Variants in ALPL observed in about 807,000 individuals in gnomAD.
ALPL encodes alkaline phosphatase, tissue-nonspecific isozyme.
Under a neutral mutation model 51.3 loss-of-function variants are expected in ALPL, and 42 were observed. The ratio of observed to expected loss-of-function variants is 0.82; its 90% confidence interval spans 0.64 to 1.06. The LOEUF (loss-of-function observed/expected upper bound fraction) is 1.06. Ranked by LOEUF, ALPL falls within the 50% of genes least tolerant of loss-of-function variation. The pLI is 0.00. For synonymous variants in ALPL, 279 were observed against 296.4 expected (o/e 0.94, Z 0.60); for missense variants, 589 against 709.4 (o/e 0.83, Z 1.93).
intron 8 of ALPL, among the ~76,000 whole-genome samples, chr1:21,571,860 C>A (rs962494293): frequency 6.6e-6 from 1 of 151,516 alleles, no homozygotes; most frequent in Non-Finnish European, 1.5e-5. Context: ...GGTGTGGTGG[C>A]GCACACCTTT....
At chr1:21,563,992 GACA>G (rs756920819) in intron 5 of ALPL, 46 bp from the exon 6 acceptor site, 2 of 1,606,856 alleles carry the variant, frequency 1.2e-6, no homozygotes, top group Non-Finnish European at 1.7e-6. Context: ...AGGCCTCTGG[GACA>G]CCCCGATCTG....
At chr1:21,512,907 C>T (rs563322980) in intron 1 of ALPL, among the ~76,000 whole-genome samples, 9 of 151,912 alleles carry the variant, frequency 5.9e-5, no homozygotes, top group South Asian at 4.2e-4. Flanking sequence ...GAGATGAGGA[C>T]GAAGTTAAAC....
intron 1 of ALPL, among the ~76,000 whole-genome samples, chr1:21,534,369 T>TA (rs1644070062): frequency 6.6e-6 from 1 of 152,236 alleles, no homozygotes; most frequent in Admixed American, 6.5e-5. Flanking sequence ...AGCCAGAAGT[T>TA]AATTGAGGAG....
At chr1:21,529,108 T>C (rs1026518777) in intron 1 of ALPL, among the ~76,000 whole-genome samples, 1 of 152,022 alleles carries the variant, frequency 6.6e-6, no homozygotes, top group South Asian at 2.1e-4. Flanking sequence ...GTCAGTATTC[T>C]TTGCCTACCC....
intron 1 of ALPL, among the ~76,000 whole-genome samples, chr1:21,545,314 A>G (rs1215302517): frequency 6.6e-6 from 1 of 150,734 alleles, no homozygotes; most frequent in Admixed American, 6.6e-5. Context: ...TTTTTAAGAC[A>G]GAGTCTCACT....
At chr1:21,560,583 G>A in intron 2 of ALPL, 43 bp from the exon 3 acceptor site, 1 of 1,611,898 alleles carries the variant, frequency 6.2e-7, no homozygotes, top group African/African-American at 1.3e-5. Flanking sequence ...GAGATAGGAG[G>A]CTATCCTTAC....
rs1424809484 is a variant in ALPL at position 21,573,660 on chromosome 1, C to T, written c.863-5C>T. 6.2e-7 allele frequency: 1 copy of T among 1,613,670 alleles called. No individual in the cohort carries two copies. Among genetic ancestry groups the T allele is most frequent in the Admixed American group, 1.7e-5 (1 of 59,948 alleles). On this transcript the variant is annotated splice_region_variant and splice_polypyrimidine_tract_variant and intron_variant, in intron 8 of 11. Coordinates refer to ENST00000374840, the MANE Select transcript of ALPL (RefSeq NM_000478.6). ...GCATCCACATCCTCCTGGCGTCCTCCTCAGGTCTCTTCGAGCCAGGGGACA... is the reference window on the plus strand; with the variant it reads ...GCATCCACATCCTCCTGGCGTCCTCTTCAGGTCTCTTCGAGCCAGGGGACA...
At position 21,565,864 on chromosome 1, in the gene ALPL, A is replaced by AAGAC. The variant is rs567665000; in HGVS notation, c.648+1650_648+1653dup. ...AAGAAAGAAGAGAAAGAAAGAAAGA[A>AAGAC]AGACACAAACCTAAACCCCAAAGCC... On this transcript the variant is annotated intron_variant, in intron 6 of 11. Transcript: ENST00000374840. Among the ~76,000 whole-genome samples the AAGAC allele has an allele frequency of 2.8e-4, 42 of 152,172 alleles. No individual in the cohort carries two copies. The East Asian group carries it at 7.9e-3, about 29-fold the overall frequency.
chr1:21,573,967 G>A, intron 9 of ALPL, 168 bp downstream of exon 9: 2 of 985,358 alleles, frequency 2.0e-6, no homozygotes, highest in Non-Finnish European at 2.4e-6. Context: ...GACACTCCCA[G>A]CCCAGCAAGC....
At chr1:21,576,263 A>ATGGG (rs1558557882) in intron 10 of ALPL, among the ~76,000 whole-genome samples, 3 of 52,396 alleles carry the variant, frequency 5.7e-5, no homozygotes, top group African/African-American at 2.3e-4. Flanking sequence ...TGATGGATGG[A>ATGGG]TGGATGGGTG....
chr1:21,575,695 C>T lies in ALPL; in HGVS notation c.998-38C>T, dbSNP rs1420960619. ...GGGCTGGGGAGCAGATCTTCCTCCC[C>T]TCCTCCCTCACCGAGGCCTTTGCCT... On this transcript the variant is annotated intron_variant, in intron 9 of 11. Coordinates refer to ENST00000374840, the MANE Select transcript of ALPL (RefSeq NM_000478.6). 2.5e-6 allele frequency: 4 copies of T among 1,611,964 alleles called. No homozygotes were observed. The South Asian group carries it at 4.4e-5, about 18-fold the overall frequency.
At chr1:21,562,036 C>T (rs1187645095) in intron 4 of ALPL, among the ~76,000 whole-genome samples, 3 of 152,152 alleles carry the variant, frequency 2.0e-5, no homozygotes, top group Non-Finnish European at 4.4e-5. Flanking sequence ...GTTAATTAGA[C>T]TATAGGCATA....
At chr1:21,523,216 T>A (rs537627056) in intron 1 of ALPL, among the ~76,000 whole-genome samples, 2 of 152,162 alleles carry the variant, frequency 1.3e-5, no homozygotes, top group Non-Finnish European at 2.9e-5. Context: ...GGAGAATCAC[T>A]TGAACCCGGG....
At chr1:21,539,656 C>CTTT (rs71016920) in intron 1 of ALPL, among the ~76,000 whole-genome samples, 4 of 133,672 alleles carry the variant, frequency 3.0e-5, no homozygotes, top group Non-Finnish European at 4.8e-5. Flanking sequence ...TTTCTTTTTC[C>CTTT]TTTTTTTTTT....
intron 1 of ALPL, among the ~76,000 whole-genome samples, chr1:21,552,922 C>A (rs1162759603): frequency 1.3e-5 from 2 of 152,118 alleles, no homozygotes; most frequent in Non-Finnish European, 2.9e-5. Context: ...ACTTAAAATT[C>A]TTTGTCTTGT....
intron 1 of ALPL, among the ~76,000 whole-genome samples, chr1:21,552,596 G>C (rs891774449): frequency 1.3e-5 from 2 of 151,908 alleles, no homozygotes; most frequent in Admixed American, 6.6e-5. Flanking sequence ...ATTTTTCTTA[G>C]AGACAGGGTC....
intron 2 of ALPL, among the ~76,000 whole-genome samples, chr1:21,558,384 A>G (rs1644440555): frequency 6.6e-6 from 1 of 152,220 alleles, no homozygotes. Flanking sequence ...AACTGGCCAA[A>G]GAGGCTCTAT....
chr1:21,538,505 G>T (rs1644139872), intron 1 of ALPL, among the ~76,000 whole-genome samples: 1 of 152,178 alleles, frequency 6.6e-6, no homozygotes, highest in African/African-American at 2.4e-5. Context: ...CAGGGATTCG[G>T]CTTGTGCTGG....
intron 1 of ALPL, among the ~76,000 whole-genome samples, chr1:21,546,891 A>G (rs1162240232): frequency 1.3e-5 from 2 of 152,198 alleles, no homozygotes; most frequent in Non-Finnish European, 2.9e-5. Flanking sequence ...TGGGGTAAGC[A>G]CCAACTCAGA....
Sources: gnomAD v4.1 joint callset for allele counts (sites outside exome capture counted in the v4.1 genomes callset) on GRCh38, gnomAD v4.1.1 for gene constraint, MANE v1.5 for transcripts, NCBI Gene and HGNC (gene_info 2026-07-23, HGNC 2026-07-21) for gene names.